Variants in CLIP4 observed in about 807,000 individuals in gnomAD.
CLIP4 encodes the protein CAP-Gly domain containing linker protein family member 4.
Under a neutral mutation model 73.1 loss-of-function variants are expected in CLIP4, and 47 were observed. The ratio of observed to expected loss-of-function variants is 0.64; its 90% CI spans 0.51 to 0.82. CLIP4 has a LOEUF of 0.82. Among genes scored for constraint, CLIP4 ranks in the 40% least tolerant of loss-of-function variants. The pLI is 0.00. For synonymous variants in CLIP4, 306 were observed against 295.4 expected (o/e 1.04, Z -0.37); for missense variants, 874 against 852.9 (o/e 1.02, Z -0.31).
chr2:29,107,622 C>A (rs1167698615), intron 1 of CLIP4, among the ~76,000 whole-genome samples: 1 of 151,836 alleles, frequency 6.6e-6, no homozygotes, highest in African/African-American at 2.4e-5. Context: ...GATCCACCTG[C>A]CTCAACCTCC....
At chr2:29,133,337 C>G (rs371057479) in intron 4 of CLIP4, among the ~76,000 whole-genome samples, 4 of 152,318 alleles carry the variant, frequency 2.6e-5, no homozygotes, top group African/African-American at 7.2e-5. Context: ...GAGCACTGAT[C>G]TGCTGTGTTG....
chr2:29,130,623 AG>A, intron 2 of CLIP4: 1 of 1,099,750 alleles, frequency 9.1e-7, no homozygotes, highest in Non-Finnish European at 1.1e-6. Flanking sequence ...TTTGCCTAAC[AG>A]GACCATTTTG....
At chr2:29,170,359 C>T (rs1036004793) in intron 14 of CLIP4, among the ~76,000 whole-genome samples, 4 of 152,174 alleles carry the variant, frequency 2.6e-5, no homozygotes, top group Admixed American at 6.5e-5. Flanking sequence ...GCTGTAACTA[C>T]TGCCTATTCC....
chr2:29,166,986 G>A (rs1035143346), intron 13 of CLIP4, among the ~76,000 whole-genome samples: 6 of 152,176 alleles, frequency 3.9e-5, no homozygotes, highest in Non-Finnish European at 8.8e-5. Flanking sequence ...CACTGGGAAA[G>A]TGACCTTTAT....
rs1272280370 is a variant in CLIP4 at position 29,143,836 on chromosome 2, G to A, written c.776G>A (p.Cys259Tyr). The A allele has an allele frequency of 1.9e-6, 3 of 1,614,046 alleles. No homozygotes were observed. Among genetic ancestry groups the A allele is most frequent in the South Asian group, 2.2e-5 (2 of 91,088 alleles). ...QMLLDAVPLSCNISKAMLPNY... is the reference protein window; with the variant it reads ...QMLLDAVPLSYNISKAMLPNY... Reference sequence around the variant, plus strand: ...CTTCTAGATGCGGTGCCTCTGTCATGTAACATCTCAAAGGCCATGCTCCCA... The same window carrying A: ...CTTCTAGATGCGGTGCCTCTGTCATATAACATCTCAAAGGCCATGCTCCCA... Residue 259 changes from cysteine (C) to tyrosine (Y), a missense_variant, in exon 7 of 16, where the codon TGT becomes TAT. By Grantham distance (194) the Cys-to-Tyr change is radical (BLOSUM62 -2). Coordinates refer to ENST00000320081, the MANE Select transcript of CLIP4 (RefSeq NM_024692.6).
At chr2:29,125,739 G>A (rs1441872470) in intron 2 of CLIP4, among the ~76,000 whole-genome samples, 6 of 152,120 alleles carry the variant, frequency 3.9e-5, no homozygotes, top group African/African-American at 7.2e-5. Flanking sequence ...CTAACATCCC[G>A]TGTCTTGAAA....
chr2:29,156,481 C>A, intron 10 of CLIP4, 38 bp downstream of exon 10: 1 of 1,395,528 alleles, frequency 7.2e-7, no homozygotes. Flanking sequence ...CAAAATTTAA[C>A]TTTTGATGGA....
chr2:29,153,016 A>G (rs1175723369), intron 9 of CLIP4, among the ~76,000 whole-genome samples, 188 bp downstream of exon 9: 1 of 152,068 alleles, frequency 6.6e-6, no homozygotes, highest in Admixed American at 6.6e-5. Flanking sequence ...TGTATTTCAG[A>G]TTTGTTCCTT....
chr2:29,176,225 G>A (rs1266425625), intron 15 of CLIP4, among the ~76,000 whole-genome samples: 5 of 152,210 alleles, frequency 3.3e-5, no homozygotes, highest in Non-Finnish European at 5.9e-5. Flanking sequence ...GGCAGTGCTC[G>A]ATGGCCTTCT....
chr2:29,131,679 A>C, intron 3 of CLIP4: 1 of 281,172 alleles, frequency 3.6e-6, no homozygotes, highest in Non-Finnish European at 6.5e-6. Context: ...GTAAACTTTT[A>C]TGCATTTCAT....
chr2:29,171,853 T>G (rs1019272869), intron 14 of CLIP4, among the ~76,000 whole-genome samples: 7 of 149,392 alleles, frequency 4.7e-5, no homozygotes, highest in African/African-American at 1.8e-4. Context: ...TGACAATCTT[T>G]CTTTTAACCT....
intron 2 of CLIP4, among the ~76,000 whole-genome samples, chr2:29,124,163 G>A (rs1174276746): frequency 1.3e-5 from 2 of 152,110 alleles, no homozygotes; most frequent in Non-Finnish European, 2.9e-5. Flanking sequence ...TTCCTGTAAT[G>A]TTTCTTATGG....
upstream of CLIP4, among the ~76,000 whole-genome samples, chr2:29,111,976 T>C (rs983862261): frequency 5.9e-5 from 9 of 152,208 alleles, no homozygotes; most frequent in Non-Finnish European, 1.2e-4. Flanking sequence ...ACTTTATTTT[T>C]CCTTGATAAA....
chr2:29,136,184 TG>T (rs1276318294), intron 6 of CLIP4, among the ~76,000 whole-genome samples: 1 of 148,648 alleles, frequency 6.7e-6, no homozygotes, highest in African/African-American at 2.5e-5. Context: ...CATTTGTTGT[TG>T]TTGTTTTTTT....
At chr2:29,147,974 TAGGGCAG>T (rs1666282341) in intron 8 of CLIP4, among the ~76,000 whole-genome samples, 1 of 152,106 alleles carries the variant, frequency 6.6e-6, no homozygotes, top group African/African-American at 2.4e-5. Context: ...TAGCAACACA[TAGGGCAG>T]AGGTAAATCA....
At chr2:29,134,081 G>C (rs1267544518) in intron 5 of CLIP4, among the ~76,000 whole-genome samples, 1 of 152,084 alleles carries the variant, frequency 6.6e-6, no homozygotes, top group African/African-American at 2.4e-5. Flanking sequence ...GTATAACACG[G>C]ATGTTTTATA....
intron 8 of CLIP4, among the ~76,000 whole-genome samples, chr2:29,146,002 A>G (rs985342837): frequency 6.6e-6 from 1 of 152,204 alleles, no homozygotes; most frequent in Non-Finnish European, 1.5e-5. Context: ...TTCAGAGGCC[A>G]TGATGGAAAG....
At chr2:29,148,312 C>T (rs1455016874) in intron 8 of CLIP4, among the ~76,000 whole-genome samples, 2 of 152,288 alleles carry the variant, frequency 1.3e-5, no homozygotes, top group Middle Eastern at 3.4e-3. Context: ...CATCTTTTCC[C>T]TTTGGCTTGT....
intron 2 of CLIP4, 140 bp downstream of exon 2, chr2:29,121,661 C>A (rs762993137): frequency 9.8e-6 from 9 of 921,210 alleles, no homozygotes; most frequent in African/African-American, 1.7e-5. Flanking sequence ...TTCAAAAATA[C>A]AATTGCTTAT....
Sources: gnomAD v4.1 joint callset for allele counts (sites outside exome capture counted in the v4.1 genomes callset) on GRCh38, gnomAD v4.1.1 for gene constraint, MANE v1.5 for transcripts, NCBI Gene and HGNC (gene_info 2026-07-23, HGNC 2026-07-21) for gene names.